ABI3: variants seen among roughly 807,000 people sequenced by gnomAD.
ABI3 encodes ABI gene family member 3.
Under a neutral mutation model 37.0 loss-of-function variants are expected in ABI3, and 24 were observed. The observed-to-expected ratio is 0.65, with a 90% CI of 0.47 to 0.91. The LOEUF (loss-of-function observed/expected upper bound fraction) is 0.91. Among genes scored for constraint, ABI3 ranks in the 40% least tolerant of loss-of-function variants. ABI3 has a pLI of 0.00. For synonymous variants in ABI3, 220 were observed against 211.8 expected, an observed-to-expected ratio of 1.04 and a Z score of -0.34; for missense variants, 481 against 485.1, an observed-to-expected ratio of 0.99 and a Z score of 0.08.
At chr17:49,212,716 C>G (rs2043181611) in intron 1 of ABI3, among the ~76,000 whole-genome samples, 1 of 152,176 alleles carries the variant, frequency 6.6e-6, no homozygotes, top group Non-Finnish European at 1.5e-5. Flanking sequence ...TAGCTAGTGT[C>G]AGAGCCTGAA....
At chr17:49,220,846 A>AAATAATAAT (rs201119263) in intron 6 of ABI3, among the ~76,000 whole-genome samples, 32 of 137,272 alleles carry the variant, frequency 2.3e-4, no homozygotes, top group East Asian at 8.6e-4. Context: ...CTCCATCTCA[A>AAATAATAAT]AATAATAATA....
In ABI3 at chr17:49,210,935, T is replaced by C; in HGVS notation, c.117+94T>C. The C allele has an allele frequency of 9.8e-7, 1 of 1,017,950 alleles. No homozygotes were observed. The highest frequency in any genetic ancestry group is 1.6e-5 in the South Asian group (1 of 63,254). The allele number at this position is 1,017,950 out of a possible 1,614,324, so 63.1% of individuals were successfully genotyped here. A position where few individuals can be genotyped will look rare whatever the true frequency, so the allele number is the denominator to read the frequency against. ...GGGGCCCTGGGACCCATCCTGACAG[T>C]GCTTGTCCTGGGCCTTGGCTGAGAA... On this transcript the variant is annotated intron_variant, in intron 1 of 7. Coordinates refer to ENST00000225941, the MANE Select transcript of ABI3 (RefSeq NM_016428.3). The surrounding 1 kb of genome is among the most constrained non-coding windows in gnomAD (Gnocchi z 4.2).
Position 49,222,706 on chromosome 17 carries a change from C to A in ABI3, c.1092C>A (p.Pro364=). 2 of 1,565,994 alleles carry A rather than the reference C, an allele frequency of 1.3e-6. No homozygotes were observed. Among genetic ancestry groups the A allele is most frequent in the East Asian group, 2.4e-5 (1 of 42,188 alleles). The change falls in exon 8 of 8, where the codon CCC becomes CCA. Residue 364 remains proline, a synonymous_variant. Transcript: ENST00000225941. ...TCTTCCCTGGGAACTATGTGGAGCC[C>A]AGCTGCTGACAGCCCAGGGCTCTCT... is the stretch of plus-strand genomic sequence containing the variant. ...TGFFPGNYVE[P]SC
chr17:49,221,864 G>A (rs747860507), intron 6 of ABI3, among the ~76,000 whole-genome samples: 27 of 152,076 alleles, frequency 1.8e-4, no homozygotes, highest in Admixed American at 3.3e-4. Flanking sequence ...AATTACAGGC[G>A]TGTGCCACCA....
Position 49,222,744 on chromosome 17 carries a change from T to C in ABI3, c.*29T>C. ...CCCAGGGCTCTCTGGGCAGCTGATG[T>C]CTGCACTGAGTGGGTTTCATGAGCC... On this transcript the variant is annotated 3_prime_UTR_variant, in exon 8 of 8. Transcript: ENST00000225941. The C allele has an allele frequency of 6.5e-7, 1 of 1,541,158 alleles. No homozygotes were observed. Among genetic ancestry groups the C allele is most frequent in the Non-Finnish European group, 8.7e-7 (1 of 1,144,284 alleles).
chr17:49,219,830 C>T lies in ABI3; in HGVS notation c.549-28C>T. 1 of 1,536,470 alleles carries T rather than the reference C, an allele frequency of 6.5e-7. No homozygotes were observed. The stretch of plus-strand genomic sequence containing the variant: ...TGGCCAGAAGCCTTCCTCCTTCCTC[C>T]TAATACCCACTCCCTGCCCCCCGCC... On this transcript the variant is annotated intron_variant, in intron 4 of 7. Transcript: ENST00000225941. The surrounding 1 kb of genome is among the most constrained non-coding windows in gnomAD (Gnocchi z 4.3).
rs1319877758 is a variant in ABI3, at chr17:49,219,330, T to C, written c.463-210T>C. On this transcript the variant is annotated intron_variant, in intron 3 of 7. Coordinates refer to ENST00000225941, the MANE Select transcript of ABI3 (RefSeq NM_016428.3). The surrounding 1 kb of genome is among the most constrained non-coding windows in gnomAD (Gnocchi z 4.3). ...GTGCAGAGGAAGTGGCTGTGGGCTT[T>C]GGTAGAACTGAGTCCCAGAACCCAG... is the stretch of plus-strand genomic sequence containing the variant. Among the ~76,000 whole-genome samples, 1 of 151,756 alleles carries C rather than the reference T, an allele frequency of 6.6e-6. No homozygotes were observed. Among genetic ancestry groups the C allele is most frequent in the Non-Finnish European group, 1.5e-5 (1 of 67,932 alleles).
In ABI3 at chr17:49,220,266, G is replaced by A; in HGVS notation, c.742G>A (p.Ala248Thr). 1 of 1,608,032 alleles carries A rather than the reference G, an allele frequency of 6.2e-7. No individual in the cohort carries two copies. Among genetic ancestry groups the A allele is most frequent in the Non-Finnish European group, 8.5e-7 (1 of 1,177,866 alleles). ...PSSLDPPPPP[A>T]AVEVFQRPPT... ...CTCCTTGGACCCACCTCCTCCACCA[G>A]CAGCCGTCGAGGTGTTCCAGCGGCC... The change falls in exon 6 of 8, where the codon GCA becomes ACA. Residue 248 changes from alanine (A) to threonine (T), a missense_variant. Physicochemically the swap from Ala to Thr is moderately conservative, Grantham distance 58 (BLOSUM62 0). Transcript: ENST00000225941.
At chr17:49,215,969 G>A (rs2043213929) in intron 1 of ABI3, among the ~76,000 whole-genome samples, 1 of 151,784 alleles carries the variant, frequency 6.6e-6, no homozygotes, top group South Asian at 2.1e-4. Context: ...AAATAAGCTG[G>A]GCGTGGTGGC....
intron 7 of ABI3, 149 bp from the exon 8 acceptor site, chr17:49,222,403 T>G: frequency 7.4e-7 from 1 of 1,343,576 alleles, no homozygotes; most frequent in South Asian, 1.4e-5. Flanking sequence ...TTAACTAAGC[T>G]GGGGAGGGGT....
In ABI3 at chr17:49,222,701, G is replaced by C; in HGVS notation, c.1087G>C (p.Glu363Gln). The change falls in exon 8 of 8, where the codon GAG (glutamate) becomes CAG (glutamine). Residue 363 changes from glutamate to glutamine, a missense_variant. Glu to Gln is a conservative substitution (Grantham distance 29). Transcript: ENST00000225941. Reference sequence around the variant, plus strand: ...TGGATTCTTCCCTGGGAACTATGTGGAGCCCAGCTGCTGACAGCCCAGGGC... The same window carrying C: ...TGGATTCTTCCCTGGGAACTATGTGCAGCCCAGCTGCTGACAGCCCAGGGC... ...GTGFFPGNYV[E>Q]PSC 1 of 1,573,616 alleles carries C rather than the reference G, an allele frequency of 6.4e-7. No homozygotes were observed.
At position 49,222,168 on chromosome 17, in the gene ABI3, C is replaced by A. The variant is rs764747679; in HGVS notation, c.880C>A (p.Pro294Thr). Reference protein sequence around the residue: ...DGDELGLPPPPPGFGPDEPSW... With the variant: ...DGDELGLPPPTPGFGPDEPSW... ...AGATGAATTGGGGCTGCCTCCACCC[C>A]CACCAGGATTTGGGCCTGATGAGCC... The change falls in exon 7 of 8, where the codon CCA (proline) becomes ACA (threonine). Residue 294 changes from proline to threonine, a missense_variant. By Grantham distance (38) the Pro-to-Thr change is conservative. Coordinates refer to ENST00000225941, the MANE Select transcript of ABI3 (RefSeq NM_016428.3). The A allele has an allele frequency of 1.2e-6, 2 of 1,613,788 alleles. No individual in the cohort carries two copies. The highest frequency in any genetic ancestry group is 1.7e-5 in the Admixed American group (1 of 59,972).
intron 6 of ABI3, among the ~76,000 whole-genome samples, chr17:49,220,957 G>A (rs1023719282): frequency 2.6e-5 from 4 of 151,740 alleles, no homozygotes; most frequent in African/African-American, 9.7e-5. Context: ...GGGGGGCTGT[G>A]GAGGGCGGAT....
In ABI3 at chr17:49,222,800, G is replaced by A; in HGVS notation, c.*85G>A. 7.0e-7 allele frequency: 1 copy of A among 1,431,536 alleles called. No homozygotes were observed. Among genetic ancestry groups the A allele is most frequent in the Non-Finnish European group, 9.4e-7 (1 of 1,065,344 alleles). The allele number at this position is 1,431,536 out of a possible 1,614,324, so 88.7% of individuals were successfully genotyped here. A position where few individuals can be genotyped will look rare whatever the true frequency, so the allele number is the denominator to read the frequency against. On this transcript the variant is annotated 3_prime_UTR_variant, in exon 8 of 8. Transcript: ENST00000225941. ...CCAAAACCAGCTCCAGTCACAGCTGGACTGGGTCTGCCCACCTCTTGGGCT... is the reference window on the plus strand; with the variant it reads ...CCAAAACCAGCTCCAGTCACAGCTGAACTGGGTCTGCCCACCTCTTGGGCT...
At chr17:49,212,037 G>C (rs559866381) in intron 1 of ABI3, among the ~76,000 whole-genome samples, 76 of 151,030 alleles carry the variant, frequency 5.0e-4, no homozygotes, top group African/African-American at 1.8e-3. Flanking sequence ...CTGAAGCCTT[G>C]AACTCCTAGG....
chr17:49,216,419 C>T (rs1214706378), intron 1 of ABI3, 112 bp from the exon 2 acceptor site: 1 of 1,055,500 alleles, frequency 9.5e-7, no homozygotes, highest in Admixed American at 4.0e-5. Context: ...AGGGTTGCTG[C>T]TCTCTCCCAA....
At chr17:49,218,204 GA>G (rs762028862) in intron 3 of ABI3, among the ~76,000 whole-genome samples, 15 of 152,222 alleles carry the variant, frequency 9.9e-5, no homozygotes, top group Non-Finnish European at 4.4e-5. Context: ...GGAAGGGGAA[GA>G]GGGGGAAGGG....
intron 1 of ABI3, among the ~76,000 whole-genome samples, chr17:49,212,559 GCT>G (rs1397694464): frequency 3.5e-4 from 53 of 152,202 alleles, no homozygotes; most frequent in Non-Finnish European, 1.3e-4. Context: ...CAGTTAAAAT[GCT>G]CTGGACCCTT....
intron 1 of ABI3, among the ~76,000 whole-genome samples, chr17:49,212,844 A>G (rs1459374580): frequency 3.9e-5 from 6 of 152,214 alleles, no homozygotes; most frequent in Non-Finnish European, 8.8e-5. Context: ...ATGAGACAGA[A>G]TGAGGCTTGC....
Sources: gnomAD v4.1 joint callset for allele counts (sites outside exome capture counted in the v4.1 genomes callset) on GRCh38, gnomAD v4.1.1 for gene constraint, Gnocchi (gnomAD v3.1) non-coding constraint, MANE v1.5 for transcripts, NCBI Gene and HGNC (gene_info 2026-07-23, HGNC 2026-07-21) for gene names.